ZFYVE9: variants seen among roughly 807,000 people sequenced by gnomAD.
ZFYVE9 encodes zinc finger FYVE domain-containing protein 9.
In ZFYVE9, 43 loss-of-function variants were observed where a neutral mutation model predicts 126.7. The observed-to-expected ratio is 0.34, with a 90% CI of 0.27 to 0.44. ZFYVE9 has a LOEUF of 0.44. Among genes scored for constraint, ZFYVE9 ranks in the 20% least tolerant of loss-of-function variants. The pLI is 1.00. For missense variants in ZFYVE9, 1,476 were observed against 1,697.0 expected, an observed-to-expected ratio of 0.87 and a Z score of 2.29; for synonymous variants, 521 against 597.4, an observed-to-expected ratio of 0.87 and a Z score of 1.87.
chr1:52,233,031 A>G, intron 2 of ZFYVE9, 140 bp from the exon 3 acceptor site: 1 of 291,686 alleles, frequency 3.4e-6, no homozygotes. Context: ...AAGATCTTAT[A>G]ATATATCCAG....
chr1:52,257,970 A>G (rs1408423411), intron 4 of ZFYVE9, among the ~76,000 whole-genome samples: 1 of 152,006 alleles, frequency 6.6e-6, no homozygotes, highest in Non-Finnish European at 1.5e-5. Flanking sequence ...CAGGTGATCC[A>G]CCTGCCTTGG....
chr1:52,282,568 A>G (rs1294183221), intron 10 of ZFYVE9, among the ~76,000 whole-genome samples: 2 of 152,158 alleles, frequency 1.3e-5, no homozygotes, highest in Non-Finnish European at 2.9e-5. Context: ...TATTAAAACT[A>G]TTTTCATGTA....
chr1:52,253,475 T>C, intron 4 of ZFYVE9: 1 of 569,832 alleles, frequency 1.8e-6, no homozygotes, highest in Non-Finnish European at 3.1e-6. Context: ...ATAGTGAAAT[T>C]GACACTGGCA....
At chr1:52,272,719 G>C (rs956093043) in intron 7 of ZFYVE9, among the ~76,000 whole-genome samples, 1 of 144,222 alleles carries the variant, frequency 6.9e-6, no homozygotes, top group Non-Finnish European at 1.5e-5. Context: ...GCCCAGACTG[G>C]AATGCAGTGG....
At chr1:52,171,047 A>G (rs888501649) in intron 1 of ZFYVE9, among the ~76,000 whole-genome samples, 5 of 151,884 alleles carry the variant, frequency 3.3e-5, no homozygotes, top group South Asian at 2.1e-4. Flanking sequence ...CATGTACACA[A>G]TGTGCAGGTT....
At chr1:52,143,426 G>C (rs1302990552) in intron 1 of ZFYVE9, among the ~76,000 whole-genome samples, 1 of 152,172 alleles carries the variant, frequency 6.6e-6, no homozygotes, top group Non-Finnish European at 1.5e-5. Flanking sequence ...TGTTATGTAT[G>C]TGAAAGTTAT....
intron 2 of ZFYVE9, among the ~76,000 whole-genome samples, chr1:52,226,143 A>G (rs1645168903): frequency 6.6e-6 from 1 of 152,116 alleles, no homozygotes; most frequent in Non-Finnish European, 1.5e-5. Context: ...TATGCAAACG[A>G]ACTTTCTCCT....
chr1:52,197,510 G>A (rs940440594), intron 1 of ZFYVE9, among the ~76,000 whole-genome samples: 3 of 152,048 alleles, frequency 2.0e-5, no homozygotes, highest in Non-Finnish European at 4.4e-5. Flanking sequence ...GAGAAAAGAA[G>A]AGGACTGAGT....
intron 1 of ZFYVE9, among the ~76,000 whole-genome samples, chr1:52,164,513 C>T (rs1271748076): frequency 1.3e-5 from 2 of 152,014 alleles, no homozygotes; most frequent in Non-Finnish European, 2.9e-5. Flanking sequence ...TGCGCCAAGC[C>T]GACAATGAGT....
At chr1:52,215,393 A>G (rs1645063004) in intron 1 of ZFYVE9, among the ~76,000 whole-genome samples, 1 of 152,042 alleles carries the variant, frequency 6.6e-6, no homozygotes, top group Non-Finnish European at 1.5e-5. Context: ...TTTATTCTTC[A>G]TTGGGTCTTG....
intron 1 of ZFYVE9, among the ~76,000 whole-genome samples, chr1:52,213,900 C>T (rs1448643341): frequency 6.6e-6 from 1 of 152,074 alleles, no homozygotes; most frequent in African/African-American, 2.4e-5. Flanking sequence ...CTCCAAGGTT[C>T]TCTAAGGGCT....
At chr1:52,253,584 A>G in intron 4 of ZFYVE9, 1 of 965,914 alleles carries the variant, frequency 1.0e-6, no homozygotes, top group Non-Finnish European at 1.7e-6. Context: ...AGATCCTGAG[A>G]ACCTGAGTTT....
chr1:52,298,989 T>C (rs1302902549), intron 12 of ZFYVE9, among the ~76,000 whole-genome samples: 1 of 151,986 alleles, frequency 6.6e-6, no homozygotes, highest in Non-Finnish European at 1.5e-5. Context: ...TTTGTACTTT[T>C]AGTAGAGACG....
At chr1:52,269,173 G>A (rs1232790945) in intron 7 of ZFYVE9, among the ~76,000 whole-genome samples, 15 of 151,854 alleles carry the variant, frequency 9.9e-5, no homozygotes, top group Admixed American at 4.6e-4. Context: ...TCTGTTGCCC[G>A]GGCTGCAGTA....
chr1:52,341,350 T>C (rs1646436051), intron 17 of ZFYVE9, among the ~76,000 whole-genome samples: 1 of 152,232 alleles, frequency 6.6e-6, no homozygotes, highest in Non-Finnish European at 1.5e-5. Flanking sequence ...TCCCACTGTA[T>C]TAATTTGCTC....
At chr1:52,343,229 AT>A (rs1323427518) in intron 17 of ZFYVE9, among the ~76,000 whole-genome samples, 1 of 151,814 alleles carries the variant, frequency 6.6e-6, no homozygotes, top group East Asian at 2.0e-4. Flanking sequence ...GCCGAGACAA[AT>A]TAATTATTAA....
At chr1:52,285,271 G>A (rs558632871) in intron 10 of ZFYVE9, among the ~76,000 whole-genome samples, 1 of 152,018 alleles carries the variant, frequency 6.6e-6, no homozygotes, top group Non-Finnish European at 1.5e-5. Context: ...CAGGGTAATA[G>A]CTTGATATAT....
At chr1:52,342,201 CA>C (rs1433288520) in intron 17 of ZFYVE9, among the ~76,000 whole-genome samples, 1 of 151,882 alleles carries the variant, frequency 6.6e-6, no homozygotes, top group Admixed American at 6.6e-5. Flanking sequence ...CCTTATGGAG[CA>C]GTAAGCTAGG....
chr1:52,301,121 A>C (rs1482200034), intron 12 of ZFYVE9, among the ~76,000 whole-genome samples: 2 of 151,804 alleles, frequency 1.3e-5, no homozygotes, highest in African/African-American at 4.8e-5. Flanking sequence ...TGGCCTACCA[A>C]AGTGCTGGGA....
Sources: allele counts gnomAD v4.1 joint callset (sites outside exome capture counted in the v4.1 genomes callset), GRCh38; gene constraint gnomAD v4.1.1; transcripts MANE v1.5; gene names NCBI Gene and HGNC (gene_info 2026-07-23, HGNC 2026-07-21).